Variants in SPON1 observed in about 807,000 individuals in gnomAD.
SPON1 encodes spondin 1, also known as spondin-1.
In SPON1, 52 loss-of-function variants were observed where a neutral mutation model predicts 111.7. The observed-to-expected ratio is 0.47, with a 90% CI of 0.37 to 0.59. SPON1 has a LOEUF of 0.59. SPON1 is among the 20% of genes least tolerant of loss of function. The pLI, the probability that SPON1 is intolerant of heterozygous loss-of-function variation, is 0.00. For missense variants in SPON1, 957 were observed against 1,068.5 expected, an observed-to-expected ratio of 0.90 and a Z score of 1.46; for synonymous variants, 410 against 395.8, an observed-to-expected ratio of 1.04 and a Z score of -0.43.
chr11:14,052,898 G>T (rs1848718292), intron 3 of SPON1, among the ~76,000 whole-genome samples: 1 of 152,168 alleles, frequency 6.6e-6, no homozygotes, highest in African/African-American at 2.4e-5. Context: ...CTGAAGCTTG[G>T]TGGGAAGACT....
At chr11:14,182,804 G>A (rs950057478) in intron 6 of SPON1, among the ~76,000 whole-genome samples, 5 of 152,130 alleles carry the variant, frequency 3.3e-5, no homozygotes, top group African/African-American at 1.2e-4. Flanking sequence ...CTGAAAAATA[G>A]AAGGAACTTC....
chr11:14,044,183 T>C (rs1243447400), intron 3 of SPON1, among the ~76,000 whole-genome samples: 1 of 152,228 alleles, frequency 6.6e-6, no homozygotes, highest in Non-Finnish European at 1.5e-5. Flanking sequence ...AGGAATCATA[T>C]ATAAGCTACA....
chr11:14,160,008 C>T (rs1273813996), intron 6 of SPON1, among the ~76,000 whole-genome samples: 1 of 151,878 alleles, frequency 6.6e-6, no homozygotes, highest in African/African-American at 2.4e-5. Context: ...TCAATAATAA[C>T]TTAATTGTAC....
At chr11:14,027,851 T>A (rs1848530383) in intron 2 of SPON1, among the ~76,000 whole-genome samples, 2 of 152,234 alleles carry the variant, frequency 1.3e-5, no homozygotes, top group Admixed American at 1.3e-4. Flanking sequence ...CAATAATTAT[T>A]AAACATTTCA....
At chr11:14,163,006 A>G (rs1444048121) in intron 6 of SPON1, among the ~76,000 whole-genome samples, 2 of 152,230 alleles carry the variant, frequency 1.3e-5, no homozygotes, top group African/African-American at 4.8e-5. Flanking sequence ...CTTGGGTTGA[A>G]TCTACATCTT....
At position 14,091,878 on chromosome 11, in the gene SPON1, C is replaced by T. The variant is rs897406788; in HGVS notation, c.676+11857C>T. On this transcript the variant is annotated intron_variant, in intron 5 of 15. Coordinates refer to ENST00000576479, the MANE Select transcript of SPON1 (RefSeq NM_006108.4). The stretch of plus-strand genomic sequence containing the variant: ...GCGAGGGCTCTGAGGACTGCCAGCA[C>T]GCTGTCACCTCTCAATCCCTCACGG... Among the ~76,000 whole-genome samples the T allele has an allele frequency of 4.6e-5, 7 of 151,662 alleles. No homozygotes were observed. In the East Asian group the frequency reaches 7.8e-4, roughly 17 times the overall value.
chr11:14,264,169 CAAGGCAGGCAGGAAACCAGGCTGGG>C (rs1489128481), intron 15 of SPON1, among the ~76,000 whole-genome samples: 1 of 152,054 alleles, frequency 6.6e-6, no homozygotes, highest in Non-Finnish European at 1.5e-5. Flanking sequence ...GCACAGAGGA[CAAGGCAGGCAGGAAACCAGGCTGGG>C]AAGGCAGGGA....
chr11:14,188,838 CAG>C (rs1372578679), intron 6 of SPON1, among the ~76,000 whole-genome samples: 1 of 152,138 alleles, frequency 6.6e-6, no homozygotes, highest in Admixed American at 6.5e-5. Context: ...TTAAATACAA[CAG>C]AAGATAGAAA....
intron 5 of SPON1, among the ~76,000 whole-genome samples, chr11:14,134,211 T>A (rs1034294362): frequency 2.0e-5 from 3 of 152,224 alleles, no homozygotes; most frequent in African/African-American, 7.2e-5. Flanking sequence ...AACTTGAGAC[T>A]TTGTTTAACC....
chr11:13,963,215 G>A, intron 1 of SPON1, 73 bp downstream of exon 1: 2 of 1,213,332 alleles, frequency 1.6e-6, no homozygotes, highest in Non-Finnish European at 2.2e-6. Flanking sequence ...CGCGGTGCCG[G>A]AGGAGGGCGC....
At chr11:14,155,175 G>A (rs1287623119) in intron 6 of SPON1, among the ~76,000 whole-genome samples, 2 of 152,136 alleles carry the variant, frequency 1.3e-5, no homozygotes, top group Non-Finnish European at 2.9e-5. Context: ...CCTCCAAATT[G>A]TTCCAACCTC....
At chr11:14,245,849 G>C (rs557504170) in intron 7 of SPON1, among the ~76,000 whole-genome samples, 101 of 152,316 alleles carry the variant, frequency 6.6e-4, no homozygotes, top group Non-Finnish European at 1.2e-3. Flanking sequence ...ACGAGGCAGG[G>C]CCTACCCAGG....
At position 14,062,821 on chromosome 11, in the gene SPON1, C is replaced by A. The variant is rs188880498; in HGVS notation, c.480-12524C>A. Among the ~76,000 whole-genome samples, 149 of 152,320 alleles carry A rather than the reference C, an allele frequency of 9.8e-4. 1 individual carries two copies. Among genetic ancestry groups the A allele is most frequent in the Non-Finnish European group, 1.9e-3 (127 of 68,030 alleles). On this transcript the variant is annotated intron_variant, in intron 3 of 15. Coordinates refer to ENST00000576479, the MANE Select transcript of SPON1 (RefSeq NM_006108.4). ...GTACATCTTAATCTCATGGCCCAGA[C>A]TCATCCATTTACAAACAAAGCAGTG... is the stretch of plus-strand genomic sequence containing the variant.
chr11:13,967,648 C>T (rs1848028912), intron 1 of SPON1, among the ~76,000 whole-genome samples: 1 of 151,936 alleles, frequency 6.6e-6, no homozygotes, highest in South Asian at 2.1e-4. Context: ...TATTTAGGCT[C>T]TAAGAAATTT....
Position 14,259,261 on chromosome 11 carries a change from T to C in SPON1, c.1493-19T>C. 2 of 1,598,238 alleles carry C rather than the reference T, an allele frequency of 1.3e-6. No individual in the cohort carries two copies. The highest frequency in any genetic ancestry group is 1.7e-6 in the Non-Finnish European group (2 of 1,171,998). ...CCTGCCACCGTGCACTGCTGCAGCG[T>C]TCACTCGGTGTGTTGCAGACGGCTC... is the stretch of plus-strand genomic sequence containing the variant. On this transcript the variant is annotated intron_variant, in intron 11 of 15. Coordinates refer to ENST00000576479, the MANE Select transcript of SPON1 (RefSeq NM_006108.4). The surrounding 1 kb of genome is among the most constrained non-coding windows in gnomAD (Gnocchi z 5.0).
At chr11:14,204,430 C>T (rs1848495544) in intron 6 of SPON1, among the ~76,000 whole-genome samples, 1 of 151,958 alleles carries the variant, frequency 6.6e-6, no homozygotes, top group South Asian at 2.1e-4. Context: ...CACAGGTGTG[C>T]ATCACCTGTG....
At chr11:14,217,096 C>T (rs2133904646) in intron 6 of SPON1, among the ~76,000 whole-genome samples, 1 of 152,276 alleles carries the variant, frequency 6.6e-6, no homozygotes, top group South Asian at 2.1e-4. Context: ...TTTCTTCTGC[C>T]TTATTCCTGG....
intron 2 of SPON1, among the ~76,000 whole-genome samples, chr11:14,013,136 T>C (rs527306931): frequency 1.3e-5 from 2 of 152,354 alleles, no homozygotes; most frequent in Admixed American, 6.5e-5. Context: ...CAGAATAAGA[T>C]GCCAGCTGGG....
intron 6 of SPON1, among the ~76,000 whole-genome samples, chr11:14,192,805 AT>A (rs1419262613): frequency 6.6e-6 from 1 of 150,632 alleles, no homozygotes; most frequent in African/African-American, 2.4e-5. Context: ...AGAACATCAA[AT>A]TCTAGTCCAA....
Sources: gnomAD v4.1 joint callset for allele counts (sites outside exome capture counted in the v4.1 genomes callset) on GRCh38, gnomAD v4.1.1 for gene constraint, Gnocchi (gnomAD v3.1) non-coding constraint, MANE v1.5 for transcripts, NCBI Gene and HGNC (gene_info 2026-07-23, HGNC 2026-07-21) for gene names.